The following RIN2 variants were observed in gnomAD, a reference collection of about 807,000 sequenced individuals.
RIN2 encodes the protein RAB5 interacting protein 2.
RIN2 carries 36 observed loss-of-function variants against 78.0 expected under a neutral mutation model. The observed-to-expected ratio is 0.46, with a 90% CI of 0.35 to 0.61. RIN2 has a LOEUF of 0.61. Among genes scored for constraint, RIN2 ranks in the 20% least tolerant of loss-of-function variants. RIN2 has a pLI of 0.00. For missense variants in RIN2, 1,087 were observed against 1,159.7 expected (o/e 0.94, Z 0.91); for synonymous variants, 466 against 466.8 (o/e 1.00, Z 0.02).
chr20:19,836,340 G>T (rs551449234), intron 2 of RIN2, among the ~76,000 whole-genome samples: 1 of 152,090 alleles, frequency 6.6e-6, no homozygotes. Flanking sequence ...TCCTCATGAC[G>T]CCATCGCACC....
At chr20:19,848,510 T>C (rs2036854919) in intron 2 of RIN2, among the ~76,000 whole-genome samples, 1 of 128,098 alleles carries the variant, frequency 7.8e-6, no homozygotes, top group Admixed American at 9.8e-5. Flanking sequence ...CACTTCAGCC[T>C]GGTGACAGAG....
At chr20:19,772,439 T>C (rs1423045823) in intron 1 of RIN2, among the ~76,000 whole-genome samples, 1 of 152,136 alleles carries the variant, frequency 6.6e-6, no homozygotes, top group Non-Finnish European at 1.5e-5. Context: ...CCCCATATGA[T>C]GTGATTTTCT....
At chr20:19,942,440 AAAAG>A (rs1341410515) in intron 4 of RIN2, among the ~76,000 whole-genome samples, 3 of 152,216 alleles carry the variant, frequency 2.0e-5, no homozygotes, top group African/African-American at 7.2e-5. Flanking sequence ...GAAGTTTTTT[AAAAG>A]AAACATTTAA....
chr20:19,806,691 G>GT (rs1180022210), intron 2 of RIN2, among the ~76,000 whole-genome samples: 1 of 152,174 alleles, frequency 6.6e-6, no homozygotes, highest in Non-Finnish European at 1.5e-5. Flanking sequence ...GAGCACAGAA[G>GT]TTTGAGATCA....
At chr20:19,956,534 C>A in intron 4 of RIN2, 81 bp from the exon 5 acceptor site, 2 of 1,336,636 alleles carry the variant, frequency 1.5e-6, no homozygotes, top group Non-Finnish European at 2.1e-6. Flanking sequence ...GCAAGCCTGG[C>A]CTATGAACTT....
At chr20:19,780,977 A>G (rs2122523249) in intron 1 of RIN2, among the ~76,000 whole-genome samples, 1 of 152,298 alleles carries the variant, frequency 6.6e-6, no homozygotes, top group African/African-American at 2.4e-5. Flanking sequence ...GAGATGAAAG[A>G]GTGGTTGCAG....
At chr20:19,819,148 A>G (rs1215916818) in intron 2 of RIN2, among the ~76,000 whole-genome samples, 1 of 152,232 alleles carries the variant, frequency 6.6e-6, no homozygotes, top group African/African-American at 2.4e-5. Flanking sequence ...CCGTAACAAA[A>G]TACCATAGGC....
At position 19,787,443 on chromosome 20, in the gene RIN2, A is replaced by AAT. The variant is rs1555818470; in HGVS notation, c.-162-12178_-162-12177insTA. 2.0e-5 allele frequency among the ~76,000 whole-genome samples: 3 copies of AAT among 151,048 alleles called. No individual in the cohort carries two copies. The East Asian group carries it at 5.8e-4, about 29-fold the overall frequency. ...ATCTTAAAAAAAAAAAAAAAAAAAA[A>AAT]AAAGAGAGAGAGAGAGAGAAATGAC... On this transcript the variant is annotated intron_variant, in intron 1 of 12. Coordinates refer to ENST00000255006, the MANE Select transcript of RIN2 (RefSeq NM_018993.4).
chr20:19,899,496 G>A (rs555074488), intron 3 of RIN2, among the ~76,000 whole-genome samples: 22 of 152,272 alleles, frequency 1.4e-4, no homozygotes, highest in African/African-American at 4.1e-4. Context: ...ACTTCAAACC[G>A]CAAACATTCA....
At chr20:19,797,001 C>G (rs1476548219) in intron 1 of RIN2, among the ~76,000 whole-genome samples, 1 of 151,996 alleles carries the variant, frequency 6.6e-6, no homozygotes, top group Non-Finnish European at 1.5e-5. Flanking sequence ...TGAAAGCTGC[C>G]CAGTAGTTCA....
At chr20:19,855,059 A>C (rs190066020) in intron 2 of RIN2, among the ~76,000 whole-genome samples, 94 of 152,312 alleles carry the variant, frequency 6.2e-4, no homozygotes, top group African/African-American at 2.1e-3. Context: ...CGTCCCATCA[A>C]TACCTAATTT....
intron 5 of RIN2, among the ~76,000 whole-genome samples, chr20:19,959,997 A>G (rs1223258251): frequency 6.6e-6 from 1 of 152,216 alleles, no homozygotes; most frequent in Non-Finnish European, 1.5e-5. Flanking sequence ...TAGGATCTTG[A>G]GGGAACTGGT....
intron 2 of RIN2, among the ~76,000 whole-genome samples, chr20:19,870,746 G>A (rs1411095519): frequency 6.6e-6 from 1 of 152,228 alleles, no homozygotes; most frequent in Non-Finnish European, 1.5e-5. Context: ...ATGATGGGAT[G>A]TCCCTCAGTT....
intron 3 of RIN2, among the ~76,000 whole-genome samples, chr20:19,931,611 G>C (rs1174450109): frequency 6.6e-6 from 1 of 152,096 alleles, no homozygotes; most frequent in Non-Finnish European, 1.5e-5. Flanking sequence ...AGCAAATCAG[G>C]GTAACTGGGA....
intron 1 of RIN2, among the ~76,000 whole-genome samples, chr20:19,787,968 A>G (rs1371034907): frequency 1.5e-4 from 23 of 152,304 alleles, no homozygotes; most frequent in African/African-American, 5.1e-4. Flanking sequence ...AATGTAAAGT[A>G]CTACACCCCT....
Position 19,992,256 on chromosome 20 carries a change from G to A in RIN2, c.2157G>A (p.Glu719=), listed in dbSNP as rs1205239268. ...TGCTTGAATTGGACACTGAAATCGA[G>A]TACATGATGGAGCTCCTAGACCCAT... is the stretch of plus-strand genomic sequence containing the variant. ...CDMLELDTEI[E]YMMELLDPSL... is the part of the protein sequence containing the mutation. The change falls in exon 11 of 13, where the codon GAG becomes GAA. Residue 719 remains glutamate (E), a synonymous_variant. Coordinates refer to ENST00000255006, the MANE Select transcript of RIN2 (RefSeq NM_018993.4). 3.8e-6 allele frequency: 6 copies of A among 1,592,538 alleles called. No individual in the cohort carries two copies. Among genetic ancestry groups the A allele is most frequent in the Admixed American group, 1.8e-5 (1 of 56,392 alleles).
intron 3 of RIN2, among the ~76,000 whole-genome samples, chr20:19,906,605 A>G (rs1019950987): frequency 7.9e-5 from 12 of 152,188 alleles, no homozygotes; most frequent in Admixed American, 7.9e-4. Flanking sequence ...AACAAGAACC[A>G]TAGGGAGTGG....
At chr20:19,860,450 G>A (rs1368679803) in intron 2 of RIN2, among the ~76,000 whole-genome samples, 2 of 151,818 alleles carry the variant, frequency 1.3e-5, no homozygotes, top group Non-Finnish European at 2.9e-5. Flanking sequence ...CTCCCAAGTA[G>A]CTGGGATTAC....
rs1210637762 is a variant in RIN2 at position 19,813,189 on chromosome 20, C to T, written c.-37+13442C>T. ...CTTGCCCCCAGATCACTACTTCTCT[C>T]TAGTTCTCATATAATGAATCAACTG... is the stretch of plus-strand genomic sequence containing the variant. On this transcript the variant is annotated intron_variant, in intron 2 of 12. Transcript: ENST00000255006. Among the ~76,000 whole-genome samples the T allele has an allele frequency of 3.3e-5, 5 of 152,214 alleles. No homozygotes were observed. In the East Asian group the frequency reaches 7.7e-4, roughly 23 times the overall value.
Sources: gnomAD v4.1 joint callset for allele counts (sites outside exome capture counted in the v4.1 genomes callset) on GRCh38, gnomAD v4.1.1 for gene constraint, MANE v1.5 for transcripts, NCBI Gene and HGNC (gene_info 2026-07-23, HGNC 2026-07-21) for gene names.